TOPBP1: variants seen among roughly 807,000 people sequenced by gnomAD.
TOPBP1 encodes the protein DNA topoisomerase II binding protein 1.
Under a neutral mutation model 167.7 loss-of-function variants are expected in TOPBP1, and 28 were observed. The observed-to-expected ratio is 0.17, with a 90% confidence interval of 0.12 to 0.23. TOPBP1 has a LOEUF of 0.23. Among genes scored for constraint, TOPBP1 ranks in the 10% least tolerant of loss-of-function variants. The pLI, the probability that TOPBP1 is intolerant of heterozygous loss-of-function variation, is 1.00. For missense variants in TOPBP1, 1,554 were observed against 1,809.6 expected, an observed-to-expected ratio of 0.86 and a Z score of 2.56; for synonymous variants, 598 against 611.4, an observed-to-expected ratio of 0.98 and a Z score of 0.32.
intron 27 of TOPBP1, 49 bp downstream of exon 27, chr3:133,608,486 A>G: frequency 1.3e-6 from 2 of 1,598,626 alleles, no homozygotes; most frequent in Non-Finnish European, 1.7e-6. Context: ...ATCTATGCAC[A>G]TAAACGTATC....
chr3:133,602,577 T>C (rs960951950), intron 27 of TOPBP1, among the ~76,000 whole-genome samples: 6 of 152,260 alleles, frequency 3.9e-5, no homozygotes, highest in Non-Finnish European at 7.3e-5. Context: ...GGCTATAAGA[T>C]GTAGATGTAA....
chr3:133,603,645 G>T (rs1421526944), intron 27 of TOPBP1, among the ~76,000 whole-genome samples: 3 of 152,124 alleles, frequency 2.0e-5, no homozygotes, highest in Non-Finnish European at 4.4e-5. Context: ...GAAAATCAAA[G>T]AAATTATATA....
intron 6 of TOPBP1, among the ~76,000 whole-genome samples, chr3:133,654,371 T>C (rs115955175): frequency 4.6e-4 from 70 of 152,328 alleles, no homozygotes; most frequent in Non-Finnish European, 8.2e-4. Context: ...CAATGTATTT[T>C]GAAGCAGTAT....
rs368182420 is a variant in TOPBP1, at chr3:133,616,917, C to G, written c.3768G>C (p.Thr1256=). Residue 1256 remains threonine, a synonymous_variant, in exon 23 of 28, where the codon ACG becomes ACC. Transcript: ENST00000260810. ...TTAATTCTTCATGAGTCTCCTCTAT[C>G]GTTATAATCTGGAATGAAAGTTTTA... ...VAPHPREKII[T]IEETHEELKK... 2.7e-6 allele frequency: 4 copies of G among 1,500,340 alleles called. No homozygotes were observed. Among genetic ancestry groups the G allele is most frequent in the Admixed American group, 5.3e-5 (2 of 37,476 alleles). The allele number at this position is 1,500,340 out of a possible 1,614,324, so 92.9% of individuals were successfully genotyped here.
At chr3:133,629,367 A>G (rs1935385181) in intron 14 of TOPBP1, among the ~76,000 whole-genome samples, 1 of 152,154 alleles carries the variant, frequency 6.6e-6, no homozygotes, top group African/African-American at 2.4e-5. Context: ...ATAATGATGC[A>G]ATGAATAACC....
At chr3:133,653,024 A>C (rs1006652179) in intron 7 of TOPBP1, among the ~76,000 whole-genome samples, 25 of 152,234 alleles carry the variant, frequency 1.6e-4, no homozygotes, top group African/African-American at 6.0e-4. Context: ...CTGTAAATTA[A>C]GGAAAGATTA....
chr3:133,658,797 ACT>A (rs1279674657), intron 3 of TOPBP1, among the ~76,000 whole-genome samples: 1 of 152,122 alleles, frequency 6.6e-6, no homozygotes, highest in East Asian at 1.9e-4. Flanking sequence ...ACAGAACAAG[ACT>A]CTGTCTCCAA....
chr3:133,640,104 T>G lies in TOPBP1; in HGVS notation c.2088A>C (p.Ile696=), dbSNP rs1935844569. The change falls in exon 13 of 28, where the codon ATA becomes ATC. Residue 696 remains isoleucine (I), a synonymous_variant. Transcript: ENST00000260810. ...ATTTAGAGCCACCACGTTCTTTCAG[T>G]ATAAGATGAGTACTGGCAAACATGC... is the stretch of plus-strand genomic sequence containing the variant. ...KKGMFASTHL[I]LKERGGSKYE... is the part of the protein sequence containing the mutation. 1 of 1,613,818 alleles carries G rather than the reference T, an allele frequency of 6.2e-7. No homozygotes were observed.
intron 13 of TOPBP1, among the ~76,000 whole-genome samples, chr3:133,638,957 A>G (rs1935772475): frequency 2.6e-5 from 4 of 152,168 alleles, no homozygotes; most frequent in Non-Finnish European, 4.4e-5. Context: ...TAAGAGATAA[A>G]AGGGATGATA....
At chr3:133,624,999 C>T (rs1935220681) in intron 16 of TOPBP1, among the ~76,000 whole-genome samples, 1 of 152,330 alleles carries the variant, frequency 6.6e-6, no homozygotes, top group South Asian at 2.1e-4. Context: ...CAGAGTCTCA[C>T]TCTGTCACCC....
At chr3:133,653,040 T>G (rs191519234) in intron 7 of TOPBP1, among the ~76,000 whole-genome samples, 22 of 152,364 alleles carry the variant, frequency 1.4e-4, no homozygotes, top group African/African-American at 5.0e-4. Context: ...GATTAATATA[T>G]GCATGTAATG....
In TOPBP1 at chr3:133,616,191, C is replaced by T. The variant is rs376619274; in HGVS notation, c.3871+623G>A. On this transcript the variant is annotated intron_variant, in intron 23 of 27. Transcript: ENST00000260810. ...CTGGAGTACAGTGGCGCTATCTTGGCTCATTGCAACCTCCGCCTCCCAGGT... is the reference window on the plus strand; with the variant it reads ...CTGGAGTACAGTGGCGCTATCTTGGTTCATTGCAACCTCCGCCTCCCAGGT... Among the ~76,000 whole-genome samples the T allele has an allele frequency of 5.3e-5, 8 of 150,868 alleles. 1 individual carries two copies. The highest frequency in any genetic ancestry group is 1.9e-4 in the East Asian group (1 of 5,154).
chr3:133,608,096 A>G (rs1231906979), intron 27 of TOPBP1, among the ~76,000 whole-genome samples: 1 of 152,186 alleles, frequency 6.6e-6, no homozygotes, highest in African/African-American at 2.4e-5. Flanking sequence ...ACACAGGCCA[A>G]TTCTGAATAT....
chr3:133,643,293 A>C lies in TOPBP1; in HGVS notation c.1928T>G (p.Met643Arg), dbSNP rs1483502780. Residue 643 changes from methionine (M) to arginine (R), a missense_variant, in exon 12 of 28, where the codon ATG becomes AGG. Transcript: ENST00000260810. ...LFTPVPVMTG[M>R]TPLEDCVISF... ...AATAACACAATCCTCTAAAGGAGTCATTCCTGTCATTACTGGAACTGGTGT... is the reference window on the plus strand; with the variant it reads ...AATAACACAATCCTCTAAAGGAGTCCTTCCTGTCATTACTGGAACTGGTGT... The C allele has an allele frequency of 6.2e-7, 1 of 1,613,192 alleles. No homozygotes were observed. The highest frequency in any genetic ancestry group is 1.7e-5 in the Admixed American group (1 of 59,868).
At chr3:133,659,230 C>T (rs754044643) in intron 2 of TOPBP1, 80 bp from the exon 3 acceptor site, 75 of 1,373,068 alleles carry the variant, frequency 5.5e-5, no homozygotes, top group Non-Finnish European at 6.5e-5. Flanking sequence ...ATCTCAAATC[C>T]AGCCTTTTCC....
chr3:133,603,149 G>T (rs1339450376), intron 27 of TOPBP1, among the ~76,000 whole-genome samples: 1 of 152,080 alleles, frequency 6.6e-6, no homozygotes, highest in Non-Finnish European at 1.5e-5. Flanking sequence ...GCCCACCTTG[G>T]CCTCCCAAAG....
chr3:133,635,482 C>A lies in TOPBP1; in HGVS notation c.2520+2394G>T, dbSNP rs551331081. ...TATTGCCTAGACTGGTCCAGAACTC[C>A]TGGTCTCAAGTGAGGCTCCCACCTC... On this transcript the variant is annotated intron_variant, in intron 14 of 27. Coordinates refer to ENST00000260810, the MANE Select transcript of TOPBP1 (RefSeq NM_007027.4). Among the ~76,000 whole-genome samples the A allele has an allele frequency of 4.6e-5, 7 of 152,290 alleles. No individual in the cohort carries two copies. In the South Asian group the frequency reaches 1.5e-3, roughly 32 times the overall value.
chr3:133,605,531 TAAC>T (rs1286568047), intron 27 of TOPBP1, among the ~76,000 whole-genome samples: 1 of 152,062 alleles, frequency 6.6e-6, no homozygotes, highest in Non-Finnish European at 1.5e-5. Flanking sequence ...AAAAACCTTA[TAAC>T]AACTCCAACA....
intron 5 of TOPBP1, 148 bp downstream of exon 5, chr3:133,656,528 A>T: frequency 1.4e-6 from 1 of 701,424 alleles, no homozygotes; most frequent in Non-Finnish European, 2.2e-6. Flanking sequence ...AAGAGCTTGT[A>T]GATTCTGCTC....
Sources: gnomAD v4.1 joint callset for allele counts (sites outside exome capture counted in the v4.1 genomes callset) on GRCh38, gnomAD v4.1.1 for gene constraint, MANE v1.5 for transcripts, NCBI Gene and HGNC (gene_info 2026-07-23, HGNC 2026-07-21) for gene names.